CNTN5: variants seen among roughly 807,000 people sequenced by gnomAD.
The protein encoded by CNTN5 is contactin-5.
In CNTN5, 77 loss-of-function variants were observed where a neutral mutation model predicts 129.1. The ratio of observed to expected loss-of-function variants is 0.60; its 90% confidence interval spans 0.50 to 0.72. CNTN5 has a LOEUF of 0.72. Among genes scored for constraint, CNTN5 ranks in the 30% least tolerant of loss-of-function variants. CNTN5 has a pLI of 0.00. For missense variants in CNTN5, 1,478 were observed against 1,328.8 expected (o/e 1.11, Z -1.75); for synonymous variants, 509 against 465.6 (o/e 1.09, Z -1.20).
chr11:100,050,572 A>T (rs530368376), intron 9 of CNTN5, among the ~76,000 whole-genome samples: 7 of 152,182 alleles, frequency 4.6e-5, no homozygotes, highest in Admixed American at 1.3e-4. Flanking sequence ...ACATGTGTAC[A>T]TATGTAACTA....
chr11:100,322,225 C>T (rs936200041), intron 21 of CNTN5, among the ~76,000 whole-genome samples: 3 of 150,854 alleles, frequency 2.0e-5, no homozygotes, highest in African/African-American at 2.5e-5. Context: ...TAGGTAATGC[C>T]GTCTTTTTTT....
intron 3 of CNTN5, among the ~76,000 whole-genome samples, chr11:99,573,487 G>A (rs1026135508): frequency 1.3e-5 from 2 of 151,860 alleles, no homozygotes; most frequent in African/African-American, 4.8e-5. Flanking sequence ...GGAGAATGGC[G>A]TGAACCAGGA....
intron 8 of CNTN5, among the ~76,000 whole-genome samples, chr11:99,999,664 C>G (rs1939723226): frequency 6.6e-6 from 1 of 152,060 alleles, no homozygotes; most frequent in African/African-American, 2.4e-5. Flanking sequence ...TGGGTATATA[C>G]CCAAAGGACT....
chr11:99,850,789 A>G (rs1316714105), intron 6 of CNTN5, among the ~76,000 whole-genome samples: 1 of 152,098 alleles, frequency 6.6e-6, no homozygotes, highest in African/African-American at 2.4e-5. Context: ...CATGTAAAGG[A>G]ATCTAACAGA....
intron 1 of CNTN5, among the ~76,000 whole-genome samples, chr11:99,203,688 A>C (rs1337843401): frequency 1.3e-5 from 2 of 151,872 alleles, no homozygotes; most frequent in Non-Finnish European, 2.9e-5. Flanking sequence ...CTTCTGGTTC[A>C]AGTGATTCTC....
intron 2 of CNTN5, among the ~76,000 whole-genome samples, chr11:99,345,779 C>G (rs1371110934): frequency 1.3e-5 from 2 of 152,132 alleles, no homozygotes; most frequent in East Asian, 3.8e-4. Flanking sequence ...TAATTTTCCT[C>G]AGAATAACTG....
intron 3 of CNTN5, among the ~76,000 whole-genome samples, chr11:99,620,047 AAGCTT>A (rs1854490533): frequency 6.6e-6 from 1 of 151,590 alleles, no homozygotes; most frequent in Non-Finnish European, 1.5e-5. Flanking sequence ...ACAAAAAACA[AAGCTT>A]AGATCAGTTG....
At chr11:100,351,227 C>T (rs571468200) in intron 24 of CNTN5, among the ~76,000 whole-genome samples, 8 of 151,398 alleles carry the variant, frequency 5.3e-5, no homozygotes, top group African/African-American at 1.9e-4. Flanking sequence ...GTTTTGATTG[C>T]CTTTATTGTT....
At chr11:99,388,719 T>G (rs1323383989) in intron 2 of CNTN5, among the ~76,000 whole-genome samples, 2 of 152,126 alleles carry the variant, frequency 1.3e-5, no homozygotes, top group African/African-American at 4.8e-5. Context: ...CTACTATACA[T>G]ACAGATTTGT....
intron 3 of CNTN5, among the ~76,000 whole-genome samples, chr11:99,568,906 C>A (rs1949089033): frequency 6.6e-6 from 1 of 152,060 alleles, no homozygotes; most frequent in African/African-American, 2.4e-5. Flanking sequence ...GAAGATTTTT[C>A]TTTTCTATTA....
chr11:100,215,205 A>T (rs1466022429), intron 15 of CNTN5, among the ~76,000 whole-genome samples: 1 of 152,138 alleles, frequency 6.6e-6, no homozygotes, highest in East Asian at 1.9e-4. Context: ...AATTTTTCTT[A>T]CATTCCCCAG....
rs920694097 is a variant in CNTN5, at chr11:100,340,485, A to G, written c.2753A>G (p.Glu918Gly). ...TAGGTTGGTTACTGGAAAGACATGG[A>G]ACAGGAAGATACAGCAGAAACAGTC... ...GFEVGYWKDM[E>G]QEDTAETVKT... The change falls in exon 22 of 25, where the codon GAA becomes GGA. Residue 918 changes from glutamate to glycine, a missense_variant. Transcript: ENST00000524871. The G allele has an allele frequency of 1.9e-6, 3 of 1,611,774 alleles. No homozygotes were observed. Among genetic ancestry groups the G allele is most frequent in the Non-Finnish European group, 2.5e-6 (3 of 1,178,896 alleles).
chr11:99,447,598 A>G (rs1187608146), intron 2 of CNTN5, among the ~76,000 whole-genome samples: 1 of 152,196 alleles, frequency 6.6e-6, no homozygotes, highest in Non-Finnish European at 1.5e-5. Flanking sequence ...TATTGTACAT[A>G]TTAAAGTAAT....
chr11:99,628,700 A>ATCAT (rs1951227619), intron 3 of CNTN5, among the ~76,000 whole-genome samples: 1 of 151,274 alleles, frequency 6.6e-6, no homozygotes, highest in Non-Finnish European at 1.5e-5. Context: ...CAGCTCATAA[A>ATCAT]TCTTATAGGT....
At chr11:100,295,225 T>G (rs1951077447) in intron 18 of CNTN5, among the ~76,000 whole-genome samples, 1 of 151,708 alleles carries the variant, frequency 6.6e-6, no homozygotes, top group African/African-American at 2.4e-5. Context: ...ATGGGCTATC[T>G]TGTCTTGAAA....
At chr11:99,519,224 T>C (rs909173637) in intron 2 of CNTN5, among the ~76,000 whole-genome samples, 1 of 152,106 alleles carries the variant, frequency 6.6e-6, no homozygotes, top group African/African-American at 2.4e-5. Context: ...AGTTAATTTC[T>C]ACTCACCCTT....
At chr11:99,297,940 A>G (rs2085909021) in intron 1 of CNTN5, among the ~76,000 whole-genome samples, 1 of 152,100 alleles carries the variant, frequency 6.6e-6, no homozygotes, top group Admixed American at 6.6e-5. Context: ...TCCTGGACCC[A>G]GTGCAGTTTC....
chr11:99,316,864 G>A (rs1865364170), intron 1 of CNTN5, among the ~76,000 whole-genome samples: 1 of 152,228 alleles, frequency 6.6e-6, no homozygotes, highest in South Asian at 2.1e-4. Context: ...AAATGATCGC[G>A]GGCTCTGGCT....
At chr11:99,463,108 AAAATAAAT>A (rs376289717) in intron 2 of CNTN5, among the ~76,000 whole-genome samples, 34 of 121,148 alleles carry the variant, frequency 2.8e-4, no homozygotes, top group African/African-American at 7.8e-4. Flanking sequence ...ACTCCATCTC[AAAATAAAT>A]AAATAAATAA....
Sources: allele counts gnomAD v4.1 joint callset (sites outside exome capture counted in the v4.1 genomes callset), GRCh38; gene constraint gnomAD v4.1.1; transcripts MANE v1.5; gene names NCBI Gene and HGNC (gene_info 2026-07-23, HGNC 2026-07-21).